Variants in SLC16A7 observed in about 807,000 individuals in gnomAD.
The protein encoded by SLC16A7 is monocarboxylate transporter 2.
SLC16A7 carries 33 observed loss-of-function variants against 34.9 expected under a neutral mutation model. The ratio of observed to expected loss-of-function variants is 0.94; its 90% CI spans 0.72 to 1.26. The LOEUF (loss-of-function observed/expected upper bound fraction) is 1.26. Among genes scored for constraint, SLC16A7 ranks in the 50% most tolerant of loss-of-function variants. The probability of loss-of-function intolerance (pLI) is 0.00; values close to 1 mark genes in which losing one functional copy is unlikely to be tolerated. For missense variants in SLC16A7, 573 were observed against 578.1 expected, an observed-to-expected ratio of 0.99 and a Z score of 0.09; for synonymous variants, 201 against 206.6, an observed-to-expected ratio of 0.97 and a Z score of 0.23.
At position 59,664,050 on chromosome 12, in the gene SLC16A7, G is replaced by C. The variant is rs190183117; in HGVS notation, c.-31+8800G>C. On this transcript the variant is annotated intron_variant, in intron 2 of 5. Transcript: ENST00000547379. ...TTTGATAGAGAGGAACATGAGCCTC[G>C]AATCTAGACAATCTAGAGTTGGAAT... 2.6e-5 allele frequency among the ~76,000 whole-genome samples: 4 copies of C among 152,028 alleles called. No homozygotes were observed. The South Asian group carries it at 8.3e-4, about 32-fold the overall frequency.
At chr12:59,694,638 G>A (rs2137107812) in intron 2 of SLC16A7, among the ~76,000 whole-genome samples, 1 of 151,790 alleles carries the variant, frequency 6.6e-6, no homozygotes, top group East Asian at 1.9e-4. Flanking sequence ...TATTCATCTT[G>A]CATAATTTTA....
chr12:59,641,083 G>A (rs1880664413), intron 1 of SLC16A7, among the ~76,000 whole-genome samples: 1 of 151,896 alleles, frequency 6.6e-6, no homozygotes, highest in African/African-American at 2.4e-5. Flanking sequence ...CTATAAATTG[G>A]AGATGTGATA....
At chr12:59,723,639 G>C (rs1320295848) in intron 3 of SLC16A7, among the ~76,000 whole-genome samples, 1 of 151,958 alleles carries the variant, frequency 6.6e-6, no homozygotes, top group East Asian at 1.9e-4. Flanking sequence ...GCAACATACA[G>C]TATATTCAAA....
intron 2 of SLC16A7, among the ~76,000 whole-genome samples, chr12:59,693,736 A>T (rs1871941024): frequency 6.6e-6 from 1 of 151,938 alleles, no homozygotes; most frequent in Admixed American, 6.6e-5. Flanking sequence ...AGACCATCAG[A>T]ATGGACATGC....
chr12:59,603,143 C>T (rs1480764250), intron 1 of SLC16A7, among the ~76,000 whole-genome samples: 1 of 152,148 alleles, frequency 6.6e-6, no homozygotes, highest in African/African-American at 2.4e-5. Flanking sequence ...TCTGTTGTTG[C>T]CAGAAGTTTC....
At chr12:59,730,241 T>A (rs1320854554) in intron 3 of SLC16A7, among the ~76,000 whole-genome samples, 1 of 151,864 alleles carries the variant, frequency 6.6e-6, no homozygotes, top group African/African-American at 2.4e-5. Flanking sequence ...TGACTCATAT[T>A]TAGGCACCTC....
At chr12:59,760,950 A>G (rs1229983625) in intron 3 of SLC16A7, among the ~76,000 whole-genome samples, 1 of 152,134 alleles carries the variant, frequency 6.6e-6, no homozygotes, top group Non-Finnish European at 1.5e-5. Context: ...TAATCGTTTC[A>G]TTGTTGTTAG....
chr12:59,613,941 A>C (rs952817736), intron 1 of SLC16A7, among the ~76,000 whole-genome samples: 9 of 152,198 alleles, frequency 5.9e-5, no homozygotes, highest in Non-Finnish European at 1.2e-4. Flanking sequence ...AAGATTATGA[A>C]CAGTAACACT....
intron 3 of SLC16A7, chr12:59,769,204 CTT>C (rs1881982337): frequency 6.6e-6 from 1 of 152,094 alleles, no homozygotes; most frequent in Non-Finnish European, 1.5e-5. Flanking sequence ...TCAATGCACA[CTT>C]AATATAGTGT....
intron 3 of SLC16A7, among the ~76,000 whole-genome samples, chr12:59,757,254 A>C (rs1183470824): frequency 6.7e-6 from 1 of 149,050 alleles, no homozygotes; most frequent in Non-Finnish European, 1.5e-5. Context: ...CTTAAAGTAT[A>C]ATAATAATAA....
At chr12:59,599,272 C>T (rs1878571717) in intron 1 of SLC16A7, among the ~76,000 whole-genome samples, 1 of 152,306 alleles carries the variant, frequency 6.6e-6, no homozygotes, top group African/African-American at 2.4e-5. Flanking sequence ...CTCCCGCCTT[C>T]AACACTGAAT....
intron 3 of SLC16A7, among the ~76,000 whole-genome samples, chr12:59,713,729 C>G (rs1874534236): frequency 6.6e-6 from 1 of 152,198 alleles, no homozygotes; most frequent in African/African-American, 2.4e-5. Context: ...CTTGCACAAT[C>G]ATTGCCTGAG....
At chr12:59,617,521 A>G (rs1465304448) in intron 1 of SLC16A7, among the ~76,000 whole-genome samples, 2 of 151,996 alleles carry the variant, frequency 1.3e-5, no homozygotes, top group Admixed American at 1.3e-4. Flanking sequence ...TGCCCTGTAC[A>G]TACCTGAAGA....
intron 1 of SLC16A7, among the ~76,000 whole-genome samples, chr12:59,636,741 A>G (rs978439898): frequency 2.6e-5 from 4 of 152,160 alleles, no homozygotes; most frequent in African/African-American, 9.7e-5. Flanking sequence ...TTGGAGATAT[A>G]TGATGAATTT....
chr12:59,733,262 C>T (rs1270290719), intron 3 of SLC16A7, among the ~76,000 whole-genome samples: 1 of 152,156 alleles, frequency 6.6e-6, no homozygotes. Flanking sequence ...CTTGTGGGAT[C>T]TGCCCAGATC....
chr12:59,626,217 G>A (rs935280109), intron 1 of SLC16A7, among the ~76,000 whole-genome samples: 1 of 150,052 alleles, frequency 6.7e-6, no homozygotes, highest in African/African-American at 2.4e-5. Flanking sequence ...AATTTTTTAT[G>A]TCCTCCTTTT....
chr12:59,633,886 C>T (rs1369066038), intron 1 of SLC16A7, among the ~76,000 whole-genome samples: 1 of 152,048 alleles, frequency 6.6e-6, no homozygotes, highest in Non-Finnish European at 1.5e-5. Flanking sequence ...CCACCAGCTC[C>T]CTCCTTCAAC....
chr12:59,600,276 A>G (rs1256763465), intron 1 of SLC16A7, among the ~76,000 whole-genome samples: 1 of 152,030 alleles, frequency 6.6e-6, no homozygotes, highest in African/African-American at 2.4e-5. Flanking sequence ...ATTTTTGGGA[A>G]CTCTGAAATG....
intron 3 of SLC16A7, among the ~76,000 whole-genome samples, chr12:59,717,396 G>A (rs1875042594): frequency 6.6e-6 from 1 of 152,122 alleles, no homozygotes; most frequent in African/African-American, 2.4e-5. Context: ...TCTACACAGA[G>A]TTAGTTTGGC....
Sources: allele counts gnomAD v4.1 joint callset (sites outside exome capture counted in the v4.1 genomes callset), GRCh38; gene constraint gnomAD v4.1.1; transcripts MANE v1.5; gene names NCBI Gene and HGNC (gene_info 2026-07-23, HGNC 2026-07-21).